Variants in SLC1A3 observed in about 807,000 individuals in gnomAD.
SLC1A3 encodes excitatory amino acid transporter 1.
In SLC1A3, 21 loss-of-function variants were observed where a neutral mutation model predicts 48.1. That is an observed-to-expected ratio of 0.44 (90% CI 0.31 to 0.63). SLC1A3 has a LOEUF of 0.63. Among genes scored for constraint, SLC1A3 ranks in the 20% least tolerant of loss-of-function variants. The pLI, the probability that SLC1A3 is intolerant of heterozygous loss-of-function variation, is 0.08. For missense variants in SLC1A3, 546 were observed against 689.0 expected (o/e 0.79, Z 2.32); for synonymous variants, 239 against 251.4 (o/e 0.95, Z 0.47).
At chr5:36,641,545 C>T (rs902043169) in intron 3 of SLC1A3, among the ~76,000 whole-genome samples, 3 of 151,998 alleles carry the variant, frequency 2.0e-5, no homozygotes, top group Non-Finnish European at 2.9e-5. Flanking sequence ...TATCAGCATA[C>T]CTAAACTACA....
intron 3 of SLC1A3, among the ~76,000 whole-genome samples, chr5:36,634,082 C>A (rs1240180941): frequency 1.3e-5 from 2 of 152,082 alleles, no homozygotes; most frequent in African/African-American, 4.8e-5. Context: ...TCGAGACCAG[C>A]CTGGCCAACA....
At chr5:36,617,407 G>A (rs995983288) in intron 2 of SLC1A3, among the ~76,000 whole-genome samples, 4 of 137,624 alleles carry the variant, frequency 2.9e-5, no homozygotes, top group African/African-American at 1.1e-4. Context: ...GGGAGAAAAG[G>A]TTGCGGGCTT....
intron 2 of SLC1A3, among the ~76,000 whole-genome samples, chr5:36,617,229 A>G (rs921659852): frequency 1.7e-4 from 26 of 152,312 alleles, no homozygotes; most frequent in Middle Eastern, 3.4e-3. Flanking sequence ...TCTGAACACA[A>G]TTAGTGACTT....
rs1742645663 is a variant in SLC1A3, at chr5:36,686,289, T to C, written c.*20T>C. On this transcript the variant is annotated 3_prime_UTR_variant, in exon 10 of 10. Coordinates refer to ENST00000265113, the MANE Select transcript of SLC1A3 (RefSeq NM_004172.5). ...ATGTAGACTAACATAAAGAAACACT[T>C]TCTTGAGCACCAGGTGTTAAAAACC... 1 of 1,564,774 alleles carries C rather than the reference T, an allele frequency of 6.4e-7. No homozygotes were observed. Among genetic ancestry groups the C allele is most frequent in the African/African-American group, 1.4e-5 (1 of 73,862 alleles).
intron 1 of SLC1A3, among the ~76,000 whole-genome samples, chr5:36,598,092 G>C (rs953496719): frequency 6.6e-6 from 1 of 152,114 alleles, no homozygotes; most frequent in East Asian, 1.9e-4. Flanking sequence ...ATTTTCATCC[G>C]GACTGTTAGT....
At chr5:36,675,787 C>G (rs1235762122) in intron 5 of SLC1A3, among the ~76,000 whole-genome samples, 2 of 152,178 alleles carry the variant, frequency 1.3e-5, no homozygotes, top group Non-Finnish European at 2.9e-5. Flanking sequence ...GTATTGACAG[C>G]TGGCCATGGC....
chr5:36,666,688 A>AT (rs528987384), intron 3 of SLC1A3, among the ~76,000 whole-genome samples: 2 of 152,358 alleles, frequency 1.3e-5, no homozygotes, highest in South Asian at 4.1e-4. Flanking sequence ...AACTTGGCAC[A>AT]TTTTATGTTG....
Position 36,687,302 on chromosome 5 carries a change from G to T in SLC1A3, c.*1033G>T, listed in dbSNP as rs1742690829. 6.6e-6 allele frequency: 1 copy of T among 152,222 alleles called. No homozygotes were observed. The highest frequency in any genetic ancestry group is 2.1e-4 in the South Asian group (1 of 4,832). 9.4% of individuals were successfully genotyped at this position (152,222 alleles called of 1,614,324 possible). A position where few individuals can be genotyped will look rare whatever the true frequency, so the allele number is the denominator to read the frequency against. ...GCAAGGGTGCTTGTGGTCACACTGT[G>T]GAACACTAAAGAGCTAGGAAAGAGT... On this transcript the variant is annotated 3_prime_UTR_variant, in exon 10 of 10. Transcript: ENST00000265113.
In SLC1A3 at chr5:36,640,364, G is replaced by A. The variant is rs141552739; in HGVS notation, c.319+10777G>A. Among the ~76,000 whole-genome samples the A allele has an allele frequency of 1.8e-4, 28 of 152,326 alleles. No homozygotes were observed. In the East Asian group the frequency reaches 5.2e-3, roughly 28 times the overall value. ...TCTCAGATCCTCAGGCTGGAAGCCG[G>A]TGCATTACCCCATGATGTACTTCTT... On this transcript the variant is annotated intron_variant, in intron 3 of 9. Transcript: ENST00000265113.
intron 3 of SLC1A3, among the ~76,000 whole-genome samples, chr5:36,635,662 C>T (rs904281794): frequency 2.0e-5 from 3 of 152,172 alleles, no homozygotes; most frequent in Non-Finnish European, 4.4e-5. Context: ...ACTGCTGTGT[C>T]TTTTCTGAGA....
intron 2 of SLC1A3, among the ~76,000 whole-genome samples, chr5:36,616,130 G>A (rs1211928256): frequency 6.6e-6 from 1 of 152,054 alleles, no homozygotes; most frequent in Non-Finnish European, 1.5e-5. Context: ...GGAAGGAGGA[G>A]GTTGCAGTGA....
rs1463886987 is a variant in SLC1A3, at chr5:36,649,301, T to C, written c.319+19714T>C. 21 of 150,584 alleles carry C rather than the reference T, an allele frequency of 1.4e-4. 1 individual carries two copies. The Admixed American group carries it at 1.4e-3, about 10-fold the overall frequency. The allele number at this position is 150,584 out of a possible 1,614,324, so 9.3% of individuals were successfully genotyped here. A position where few individuals can be genotyped will look rare whatever the true frequency, so the allele number is the denominator to read the frequency against. On this transcript the variant is annotated intron_variant, in intron 3 of 9. Coordinates refer to ENST00000265113, the MANE Select transcript of SLC1A3 (RefSeq NM_004172.5). ...AGGTGGAGGTTGCAGTGAACTGAGATTGTGCCATTGCACTCCAGCCTGGGC... is the reference window on the plus strand; with the variant it reads ...AGGTGGAGGTTGCAGTGAACTGAGACTGTGCCATTGCACTCCAGCCTGGGC...
chr5:36,643,850 C>T (rs1214430294), intron 3 of SLC1A3, among the ~76,000 whole-genome samples: 1 of 151,882 alleles, frequency 6.6e-6, no homozygotes, highest in Non-Finnish European at 1.5e-5. Flanking sequence ...AAAAAATAGC[C>T]AGGCGTGGTG....
At chr5:36,614,042 C>T (rs1228499833) in intron 2 of SLC1A3, among the ~76,000 whole-genome samples, 1 of 152,166 alleles carries the variant, frequency 6.6e-6, no homozygotes, top group African/African-American at 2.4e-5. Context: ...GAGATCAGAG[C>T]TATGTGCTCT....
intron 3 of SLC1A3, among the ~76,000 whole-genome samples, chr5:36,634,988 G>A (rs1347138094): frequency 1.3e-5 from 2 of 152,156 alleles, no homozygotes; most frequent in African/African-American, 2.4e-5. Context: ...CATCTGAAGG[G>A]TTTGTCAAGG....
intron 3 of SLC1A3, among the ~76,000 whole-genome samples, chr5:36,667,103 A>G (rs1410763141): frequency 1.3e-5 from 2 of 152,198 alleles, no homozygotes; most frequent in African/African-American, 2.4e-5. Context: ...GTGGTTATTT[A>G]TGGGTAGACT....
At chr5:36,615,143 TG>T (rs1455218835) in intron 2 of SLC1A3, among the ~76,000 whole-genome samples, 1 of 152,186 alleles carries the variant, frequency 6.6e-6, no homozygotes, top group East Asian at 1.9e-4. Context: ...TGCAAATGTC[TG>T]GGACGCAGCT....
intron 3 of SLC1A3, chr5:36,638,730 C>T (rs62354640): frequency 0.064 from 9,710 of 152,298 alleles, 496 homozygotes; most frequent in East Asian, 0.21. Flanking sequence ...TGCAGTGACG[C>T]GACCTCAGCT....
intron 3 of SLC1A3, among the ~76,000 whole-genome samples, chr5:36,644,003 C>T (rs1399242956): frequency 1.4e-5 from 2 of 143,218 alleles, no homozygotes; most frequent in Non-Finnish European, 3.0e-5. Context: ...CAGGGCAAGA[C>T]TCCGTCTCAA....
Sources: allele counts gnomAD v4.1 joint callset (sites outside exome capture counted in the v4.1 genomes callset), GRCh38; gene constraint gnomAD v4.1.1; transcripts MANE v1.5; gene names NCBI Gene and HGNC (gene_info 2026-07-23, HGNC 2026-07-21).